Variants in MTMR7 observed in about 807,000 individuals in gnomAD.
MTMR7 encodes the protein myotubularin related protein 7.
A neutral mutation model predicts 81.2 loss-of-function variants in MTMR7; 76 were observed. The observed-to-expected ratio is 0.94, with a 90% CI of 0.78 to 1.13. The LOEUF is 1.13. Among genes scored for constraint, MTMR7 ranks in the 50% most tolerant of loss-of-function variants. The pLI, the probability that MTMR7 is intolerant of heterozygous loss-of-function variation, is 0.00. For missense variants in MTMR7, 1,044 were observed against 820.0 expected (o/e 1.27, Z -3.34); for synonymous variants, 372 against 289.8 (o/e 1.28, Z -2.88).
intron 1 of MTMR7, among the ~76,000 whole-genome samples, chr8:17,382,490 T>C (rs548969875): frequency 1.1e-4 from 17 of 151,912 alleles, no homozygotes; most frequent in Non-Finnish European, 2.1e-4. Context: ...TAAAACTGAA[T>C]TGATGAAGCG....
At chr8:17,364,021 ATTTTTTTTTTTTTT>A (rs36217265) in intron 3 of MTMR7, among the ~76,000 whole-genome samples, 2 of 71,044 alleles carry the variant, frequency 2.8e-5, no homozygotes, top group East Asian at 3.2e-4. Context: ...TGTTGCTATT[ATTTTTTTTTTTTTT>A]TTTTTTTTTT....
At chr8:17,336,748 C>T (rs1049838793) in intron 6 of MTMR7, among the ~76,000 whole-genome samples, 1 of 152,192 alleles carries the variant, frequency 6.6e-6, no homozygotes, top group African/African-American at 2.4e-5. Flanking sequence ...TGCCTCAGCA[C>T]CCCCTCCGCT....
At chr8:17,382,440 G>T (rs1481291725) in intron 1 of MTMR7, among the ~76,000 whole-genome samples, 1 of 152,146 alleles carries the variant, frequency 6.6e-6, no homozygotes, top group Non-Finnish European at 1.5e-5. Context: ...AACATTTCCT[G>T]AGTTATTTCT....
intron 1 of MTMR7, among the ~76,000 whole-genome samples, chr8:17,388,973 G>A (rs1169850146): frequency 6.6e-6 from 1 of 152,088 alleles, no homozygotes; most frequent in Non-Finnish European, 1.5e-5. Flanking sequence ...TCCCACTCTG[G>A]GAAATGAGTA....
chr8:17,401,343 G>C (rs1281738167), intron 1 of MTMR7, among the ~76,000 whole-genome samples: 1 of 152,078 alleles, frequency 6.6e-6, no homozygotes, highest in Non-Finnish European at 1.5e-5. Context: ...TCGTGCAAAG[G>C]TGTTGAAAAA....
chr8:17,350,425 A>G (rs1819693772), intron 4 of MTMR7, among the ~76,000 whole-genome samples: 2 of 152,334 alleles, frequency 1.3e-5, no homozygotes, highest in African/African-American at 4.8e-5. Flanking sequence ...CAGCGTGTGT[A>G]GGGGAACTGC....
intron 1 of MTMR7, among the ~76,000 whole-genome samples, chr8:17,403,077 T>G (rs969151276): frequency 6.6e-6 from 1 of 152,230 alleles, no homozygotes; most frequent in African/African-American, 2.4e-5. Flanking sequence ...AAATTTTGTC[T>G]ATTTTTAAAT....
chr8:17,345,763 G>A lies in MTMR7; in HGVS notation c.597+3190C>T, dbSNP rs561149454. 1.4e-4 allele frequency among the ~76,000 whole-genome samples: 22 copies of A among 152,266 alleles called. 1 individual carries two copies. Among genetic ancestry groups the A allele is most frequent in the African/African-American group, 4.3e-4 (18 of 41,558 alleles). On this transcript the variant is annotated intron_variant, in intron 5 of 13. Transcript: ENST00000180173. The stretch of plus-strand genomic sequence containing the variant: ...CAGAACTTCAGGTTCATAAAATCTC[G>A]TGCACTTCAAGCTTCTCCTAATCTG...
At chr8:17,338,586 C>G (rs773057155) in intron 6 of MTMR7, 1 of 151,854 alleles carries the variant, frequency 6.6e-6, no homozygotes, top group African/African-American at 2.4e-5. Flanking sequence ...ACAAAGGGTA[C>G]GAAGAAGAGG....
At chr8:17,409,245 G>A (rs1398365630) in intron 1 of MTMR7, among the ~76,000 whole-genome samples, 1 of 152,116 alleles carries the variant, frequency 6.6e-6, no homozygotes, top group Non-Finnish European at 1.5e-5. Context: ...GATCACCTGA[G>A]GTCAGGAGTT....
chr8:17,345,619 T>G (rs2150545519), intron 5 of MTMR7, among the ~76,000 whole-genome samples: 1 of 152,328 alleles, frequency 6.6e-6, no homozygotes, highest in Non-Finnish European at 1.5e-5. Context: ...AGAATGTGAT[T>G]ACATCCATTA....
chr8:17,368,037 C>T (rs546751875), intron 3 of MTMR7, among the ~76,000 whole-genome samples: 5 of 152,154 alleles, frequency 3.3e-5, no homozygotes, highest in African/African-American at 9.6e-5. Context: ...ACAACCTTTT[C>T]GGTACCAGGG....
intron 3 of MTMR7, among the ~76,000 whole-genome samples, chr8:17,361,881 A>C (rs1475626926): frequency 6.6e-6 from 1 of 152,246 alleles, no homozygotes; most frequent in East Asian, 1.9e-4. Flanking sequence ...TTCATACTGC[A>C]CAGCGCTGTG....
At chr8:17,363,105 G>C (rs1820108056) in intron 3 of MTMR7, among the ~76,000 whole-genome samples, 1 of 152,226 alleles carries the variant, frequency 6.6e-6, no homozygotes, top group Non-Finnish European at 1.5e-5. Context: ...ACACAAACCA[G>C]AGCAGACGCG....
At chr8:17,381,962 T>C (rs1486745417) in intron 1 of MTMR7, among the ~76,000 whole-genome samples, 1 of 152,202 alleles carries the variant, frequency 6.6e-6, no homozygotes, top group African/African-American at 2.4e-5. Flanking sequence ...CTATAAGGGA[T>C]CTAAAGGGTC....
At chr8:17,335,923 G>A (rs952371714) in intron 6 of MTMR7, among the ~76,000 whole-genome samples, 2 of 152,172 alleles carry the variant, frequency 1.3e-5, no homozygotes, top group Non-Finnish European at 2.9e-5. Context: ...TGAGGGGTTT[G>A]CTCCGGCCCA....
chr8:17,382,550 CTATT>C (rs1342209318), intron 1 of MTMR7, among the ~76,000 whole-genome samples: 1 of 152,134 alleles, frequency 6.6e-6, no homozygotes, highest in Non-Finnish European at 1.5e-5. Context: ...ATTTTAAAAT[CTATT>C]TAGCACATCC....
At chr8:17,338,488 T>C (rs1214205570) in intron 6 of MTMR7, among the ~76,000 whole-genome samples, 2 of 152,220 alleles carry the variant, frequency 1.3e-5, no homozygotes, top group South Asian at 2.1e-4. Context: ...CTCTTCCTTT[T>C]CTTATCTTGT....
intron 4 of MTMR7, among the ~76,000 whole-genome samples, chr8:17,354,860 G>T (rs774612447): frequency 6.6e-6 from 1 of 152,132 alleles, no homozygotes; most frequent in Non-Finnish European, 1.5e-5. Context: ...GACAAATCAG[G>T]ATACATCATC....
Sources: gnomAD v4.1 joint callset for allele counts (sites outside exome capture counted in the v4.1 genomes callset) on GRCh38, gnomAD v4.1.1 for gene constraint, MANE v1.5 for transcripts, NCBI Gene and HGNC (gene_info 2026-07-23, HGNC 2026-07-21) for gene names.